SAMSN1: variants seen among roughly 807,000 people sequenced by gnomAD.
The protein encoded by SAMSN1 is SAM domain, SH3 domain and nuclear localization signals 1, also known as SAM domain-containing protein SAMSN-1.
In SAMSN1, 31 loss-of-function variants were observed where a neutral mutation model predicts 42.0. The observed-to-expected ratio is 0.74, with a 90% confidence interval of 0.55 to 1.00. SAMSN1 has a LOEUF of 1.00. SAMSN1 is among the 50% of genes least tolerant of loss of function. The probability of loss-of-function intolerance (pLI) is 0.00; values close to 1 mark genes in which losing one functional copy is unlikely to be tolerated. For missense variants in SAMSN1, 464 were observed against 439.4 expected (o/e 1.06, Z -0.50); for synonymous variants, 178 against 151.9 (o/e 1.17, Z -1.26).
In SAMSN1 at chr21:14,498,563, A is replaced by G. The variant is rs1987005231; in HGVS notation, c.798T>C (p.Gly266=). ...QEYTSTLLLN[G]YETLEDLKDI... is the part of the protein sequence containing the mutation. Reference sequence around the variant, plus strand: ...CTTTTAAATCTTCTAGAGTCTCATAACCATTGAGCAAAAGTGTTGAGGTGT... The same window carrying G: ...CTTTTAAATCTTCTAGAGTCTCATAGCCATTGAGCAAAAGTGTTGAGGTGT... Residue 266 remains glycine (G), a synonymous_variant, in exon 7 of 8, where the codon GGT becomes GGC. Coordinates refer to ENST00000400566, the MANE Select transcript of SAMSN1 (RefSeq NM_022136.5). 1 of 1,603,530 alleles carries G rather than the reference A, an allele frequency of 6.2e-7. No individual in the cohort carries two copies. The highest frequency in any genetic ancestry group is 8.5e-7 in the Non-Finnish European group (1 of 1,176,950).
intron 2 of SAMSN1, among the ~76,000 whole-genome samples, chr21:14,621,236 A>C (rs1219323669): frequency 6.6e-6 from 1 of 152,204 alleles, no homozygotes; most frequent in African/African-American, 2.4e-5. Context: ...CATGAGTGAC[A>C]CAGAAGACGG....
intron 2 of SAMSN1, among the ~76,000 whole-genome samples, chr21:14,638,957 C>T (rs548876562): frequency 1.4e-4 from 21 of 152,318 alleles, no homozygotes; most frequent in African/African-American, 5.1e-4. Context: ...TGAACCTTCA[C>T]TGATCCATTT....
chr21:14,596,332 A>G (rs917066882), intron 6 of SAMSN1, among the ~76,000 whole-genome samples: 1 of 152,120 alleles, frequency 6.6e-6, no homozygotes, highest in Non-Finnish European at 1.5e-5. Flanking sequence ...TATTCTTTCT[A>G]CCTGCAAAAT....
In SAMSN1 at chr21:14,601,824, T is replaced by C. The variant is rs138085025; in HGVS notation, c.399+199A>G. Reference sequence around the variant, plus strand: ...TTTGCAAAATCAAAATAGTTTATTATCTTATCATCATTGAATTTTTTTCAT... The same window carrying C: ...TTTGCAAAATCAAAATAGTTTATTACCTTATCATCATTGAATTTTTTTCAT... On this transcript the variant is annotated intron_variant, in intron 6 of 15. Coordinates refer to the SAMSN1 transcript ENST00000647101. Among the ~76,000 whole-genome samples the C allele has an allele frequency of 8.5e-5, 13 of 152,314 alleles. No homozygotes were observed. The East Asian group carries it at 2.3e-3, about 27-fold the overall frequency.
chr21:14,646,784 G>C (rs1432857959), intron 1 of SAMSN1, among the ~76,000 whole-genome samples: 3 of 152,176 alleles, frequency 2.0e-5, no homozygotes, highest in Non-Finnish European at 4.4e-5. Flanking sequence ...CAAAGTTAAT[G>C]TATAGAGTTT....
chr21:14,491,825 T>G (rs77542336), intron 7 of SAMSN1, among the ~76,000 whole-genome samples: 5 of 152,228 alleles, frequency 3.3e-5, no homozygotes, highest in Admixed American at 2.0e-4. Context: ...GATAAAATTT[T>G]GCCTTCCCTA....
rs148353808 is a variant in SAMSN1, at chr21:14,643,095, C to A, written c.63G>T (p.Glu21Asp). The A allele has an allele frequency of 7.7e-5, 55 of 717,288 alleles. 1 individual carries two copies. The African/African-American group carries it at 7.8e-4, about 10-fold the overall frequency. The allele number at this position is 717,288 out of a possible 1,614,324, so 44.4% of individuals were successfully genotyped here. The stretch of plus-strand genomic sequence containing the variant: ...ACATGTTTTCTTGGTTAGCTTGTTG[C>A]TCTGGGATTGGCTCATATAAGCTAT... Residue 21 changes from glutamate (E) to aspartate (D), a missense_variant, in exon 2 of 16, where the codon GAG becomes GAT. Coordinates refer to the SAMSN1 transcript ENST00000647101.
chr21:14,589,292 G>C (rs938344032), intron 7 of SAMSN1, among the ~76,000 whole-genome samples: 2 of 151,978 alleles, frequency 1.3e-5, no homozygotes, highest in Non-Finnish European at 1.5e-5. Flanking sequence ...CTCAAGGAAA[G>C]ATAATTTATT....
At chr21:14,530,333 A>AAG (rs1979181292) in intron 1 of SAMSN1, among the ~76,000 whole-genome samples, 2 of 56,780 alleles carry the variant, frequency 3.5e-5, no homozygotes, top group East Asian at 1.0e-3. Context: ...AAAAAAAAAA[A>AAG]AAAGAAAGAA....
Position 14,512,069 on chromosome 21 carries a change from G to C in SAMSN1, c.409+375C>G, listed in dbSNP as rs577651829. 2.0e-5 allele frequency among the ~76,000 whole-genome samples: 3 copies of C among 152,194 alleles called. No homozygotes were observed. In the South Asian group the frequency reaches 6.2e-4, roughly 32 times the overall value. ...AAAGAAAGAGACAGAGAATGGAGCA[G>C]AAAATAAATTTCATTTATCTGAATA... On this transcript the variant is annotated intron_variant, in intron 4 of 7. Coordinates refer to ENST00000400566, the MANE Select transcript of SAMSN1 (RefSeq NM_022136.5).
At chr21:14,649,534 C>T (rs1983790169) in intron 1 of SAMSN1, among the ~76,000 whole-genome samples, 1 of 152,070 alleles carries the variant, frequency 6.6e-6, no homozygotes, top group African/African-American at 2.4e-5. Flanking sequence ...CTTTGAAAGG[C>T]CAAGGTGGAT....
chr21:14,615,863 CAAAAAAAAA>C (rs34255188), intron 3 of SAMSN1: 32 of 116,444 alleles, frequency 2.7e-4, no homozygotes, highest in South Asian at 4.8e-4. Context: ...ATGACAGCTG[CAAAAAAAAA>C]AAAAAAAAAA....
intron 2 of SAMSN1, among the ~76,000 whole-genome samples, chr21:14,633,255 T>C (rs1373777165): frequency 6.6e-6 from 1 of 152,144 alleles, no homozygotes; most frequent in Admixed American, 6.6e-5. Context: ...TCTGTTTCTC[T>C]AGAGAACCCT....
intron 1 of SAMSN1, among the ~76,000 whole-genome samples, chr21:14,527,770 A>G (rs1978967214): frequency 6.6e-6 from 1 of 151,540 alleles, no homozygotes; most frequent in Non-Finnish European, 1.5e-5. Flanking sequence ...TAAAAAAAAA[A>G]AAAAAAAAAA....
chr21:14,554,577 A>G (rs1488865973), intron 2 of SAMSN1, among the ~76,000 whole-genome samples: 3 of 151,590 alleles, frequency 2.0e-5, no homozygotes, highest in Non-Finnish European at 2.9e-5. Context: ...ATGTCTGGAG[A>G]TTGTGCTCTC....
At chr21:14,531,521 T>A (rs577106178) in intron 1 of SAMSN1, among the ~76,000 whole-genome samples, 2 of 152,208 alleles carry the variant, frequency 1.3e-5, no homozygotes, top group East Asian at 3.9e-4. Context: ...TCAAAAATTT[T>A]TTATTATCTA....
intron 2 of SAMSN1, among the ~76,000 whole-genome samples, chr21:14,576,408 C>G (rs1981465598): frequency 6.6e-6 from 1 of 152,126 alleles, no homozygotes; most frequent in African/African-American, 2.4e-5. Flanking sequence ...CCCGGTTAAG[C>G]TGTCTGTCTC....
At chr21:14,493,288 G>A (rs1343392969) in intron 7 of SAMSN1, among the ~76,000 whole-genome samples, 2 of 152,144 alleles carry the variant, frequency 1.3e-5, no homozygotes, top group African/African-American at 4.8e-5. Flanking sequence ...TACAGATTCT[G>A]TAAAGTTTGC....
chr21:14,657,596 C>T (rs956726622), intron 1 of SAMSN1, among the ~76,000 whole-genome samples: 1 of 151,806 alleles, frequency 6.6e-6, no homozygotes, highest in South Asian at 2.1e-4. Context: ...TGCCACACTG[C>T]CTATTTCCAT....
Sources: allele counts gnomAD v4.1 joint callset (sites outside exome capture counted in the v4.1 genomes callset), GRCh38; gene constraint gnomAD v4.1.1; transcripts MANE v1.5; gene names NCBI Gene and HGNC (gene_info 2026-07-23, HGNC 2026-07-21).